The following GPHN variants were observed in gnomAD, a reference collection of about 807,000 sequenced individuals.
GPHN encodes gephyrin.
A neutral mutation model predicts 95.5 loss-of-function variants in GPHN; 17 were observed. The ratio of observed to expected loss-of-function variants is 0.18; its 90% CI spans 0.12 to 0.27. GPHN has a LOEUF of 0.27. Among genes scored for constraint, GPHN ranks in the 10% least tolerant of loss-of-function variants. GPHN has a pLI of 1.00. For synonymous variants in GPHN, 320 were observed against 322.5 expected (o/e 0.99, Z 0.08); for missense variants, 660 against 978.1 (o/e 0.67, Z 4.34).
At chr14:67,129,812 GAGGA>G (rs928060167) in intron 17 of GPHN, among the ~76,000 whole-genome samples, 4 of 148,514 alleles carry the variant, frequency 2.7e-5, no homozygotes, top group Non-Finnish European at 4.5e-5. Context: ...GGGAGGGAGG[GAGGA>G]AGGAAGGAAG....
intron 1 of GPHN, among the ~76,000 whole-genome samples, chr14:66,595,734 G>T: frequency 6.6e-6 from 1 of 152,190 alleles, no homozygotes; most frequent in East Asian, 1.9e-4. Context: ...GGGTGTCACA[G>T]CTCTGGCTTG....
At chr14:67,295,502 A>C in the GPHN span, among the ~76,000 whole-genome samples, 3 of 151,458 alleles carry the variant, frequency 2.0e-5, no homozygotes, top group Admixed American at 6.6e-5. Context: ...AAAAAAAAAA[A>C]CTCTTGGAAA....
intron 3 of GPHN, among the ~76,000 whole-genome samples, chr14:66,791,476 T>C (rs1248485149): frequency 6.6e-6 from 1 of 152,248 alleles, no homozygotes; most frequent in African/African-American, 2.4e-5. Flanking sequence ...TATGGTTATT[T>C]CTTGATTATA....
At chr14:66,687,486 G>T (rs867594917) in intron 2 of GPHN, among the ~76,000 whole-genome samples, 1,892 of 124,904 alleles carry the variant, frequency 0.015, 15 homozygotes, top group Middle Eastern at 0.025. Flanking sequence ...ATTTTATTTG[G>T]TTTTTTTTTT....
the GPHN span, chr14:67,593,592 A>T: frequency 5.1e-6 from 3 of 593,008 alleles, no homozygotes; most frequent in East Asian, 8.3e-5. Context: ...TTCCCTATCC[A>T]TGAAAACCTG....
intron 2 of GPHN, among the ~76,000 whole-genome samples, chr14:66,709,173 G>C (rs1175183992): frequency 6.6e-6 from 1 of 152,064 alleles, no homozygotes; most frequent in Non-Finnish European, 1.5e-5. Context: ...GCCTTTATTT[G>C]AACAGTGTTC....
At position 67,165,243 on chromosome 14, in the gene GPHN, G is replaced by A. The variant is rs1049303430; in HGVS notation, c.1975+17G>A. 1 of 1,563,220 alleles carries A rather than the reference G, an allele frequency of 6.4e-7. No individual in the cohort carries two copies. Among genetic ancestry groups the A allele is most frequent in the African/African-American group, 1.4e-5 (1 of 73,960 alleles). On this transcript the variant is annotated intron_variant, in intron 20 of 22. Coordinates refer to ENST00000478722, the MANE Select transcript of GPHN (RefSeq NM_020806.5). ...CACTACCTGGTAAGAATAACAAATT[G>A]TTTCCTTTCCTTTTTCTGGAAAAAT...
intron 10 of GPHN, among the ~76,000 whole-genome samples, chr14:67,033,536 C>A (rs2074285673): frequency 6.6e-6 from 1 of 151,652 alleles, no homozygotes; most frequent in Non-Finnish European, 1.5e-5. Flanking sequence ...TGCACTCCAC[C>A]CTAGGCAACA....
At chr14:66,990,414 T>C (rs1212335497) in intron 9 of GPHN, among the ~76,000 whole-genome samples, 1 of 152,166 alleles carries the variant, frequency 6.6e-6, no homozygotes, top group Non-Finnish European at 1.5e-5. Flanking sequence ...CCTTATACAA[T>C]TGTATAATTT....
At chr14:66,617,414 TG>T (rs36081356) in intron 1 of GPHN, among the ~76,000 whole-genome samples, 38,108 of 151,872 alleles carry the variant, frequency 0.25, 9,632 homozygotes, top group African/African-American at 0.62. Context: ...TTTCCCCAGC[TG>T]GGTGGAATGC....
At chr14:67,143,723 A>G (rs1193705367) in intron 18 of GPHN, among the ~76,000 whole-genome samples, 1 of 152,082 alleles carries the variant, frequency 6.6e-6, no homozygotes. Context: ...ACTCTATTTT[A>G]CTACATTAGG....
At chr14:67,428,444 A>G in the GPHN span, among the ~76,000 whole-genome samples, 2 of 152,262 alleles carry the variant, frequency 1.3e-5, no homozygotes, top group African/African-American at 2.4e-5. Flanking sequence ...GCTTGTACAT[A>G]TTTAATCTTC....
chr14:67,257,762 A>G, the GPHN span, among the ~76,000 whole-genome samples: 1 of 152,202 alleles, frequency 6.6e-6, no homozygotes, highest in African/African-American at 2.4e-5. Flanking sequence ...TTCTCTATGC[A>G]GAACTCAGGT....
At chr14:66,804,218 A>G (rs982231500) in intron 3 of GPHN, among the ~76,000 whole-genome samples, 1 of 152,214 alleles carries the variant, frequency 6.6e-6, no homozygotes, top group African/African-American at 2.4e-5. Flanking sequence ...CTGGGCTACG[A>G]ACATGGTGGG....
At chr14:67,392,545 G>T in the GPHN span, 3 of 1,205,100 alleles carry the variant, frequency 2.5e-6, no homozygotes, top group South Asian at 3.8e-5. Context: ...GCATCAGGAT[G>T]AAGTCGTCCC....
intron 4 of GPHN, among the ~76,000 whole-genome samples, chr14:66,845,841 G>GTGTC (rs1567012694): frequency 6.6e-6 from 1 of 151,544 alleles, no homozygotes; most frequent in African/African-American, 2.4e-5. Flanking sequence ...GTGTGTGTGT[G>GTGTC]TGTGTGTGTG....
At chr14:67,178,141 AG>A (rs1401303513) in intron 21 of GPHN, among the ~76,000 whole-genome samples, 4 of 152,202 alleles carry the variant, frequency 2.6e-5, no homozygotes, top group African/African-American at 9.7e-5. Context: ...TAGTTGATGC[AG>A]TTTCCTCATA....
At chr14:67,459,257 C>A in the GPHN span, among the ~76,000 whole-genome samples, 58 of 152,040 alleles carry the variant, frequency 3.8e-4, no homozygotes, top group Admixed American at 2.2e-3. Flanking sequence ...TGGTCTTGAA[C>A]CCCTGGCTTC....
At chr14:67,057,016 G>A (rs938265078) in intron 10 of GPHN, among the ~76,000 whole-genome samples, 1 of 152,124 alleles carries the variant, frequency 6.6e-6, no homozygotes, top group African/African-American at 2.4e-5. Context: ...AACTCGTGCT[G>A]GCCCGCAAGT....
Sources: gnomAD v4.1 joint callset for allele counts (sites outside exome capture counted in the v4.1 genomes callset) on GRCh38, gnomAD v4.1.1 for gene constraint, MANE v1.5 for transcripts, NCBI Gene and HGNC (gene_info 2026-07-23, HGNC 2026-07-21) for gene names.